Variants in KIAA0513 observed in about 807,000 individuals in gnomAD.
KIAA0513 encodes the protein KIAA0513.
Under a neutral mutation model 56.5 loss-of-function variants are expected in KIAA0513, and 39 were observed. That is an observed-to-expected ratio of 0.69 (90% CI 0.53 to 0.90). The LOEUF (loss-of-function observed/expected upper bound fraction) is 0.90. KIAA0513 is among the 40% of genes least tolerant of loss of function. The pLI is 0.00. For synonymous variants in KIAA0513, 268 were observed against 215.6 expected, an observed-to-expected ratio of 1.24 and a Z score of -2.13; for missense variants, 591 against 535.2, an observed-to-expected ratio of 1.10 and a Z score of -1.03.
intron 7 of KIAA0513, 83 bp from the exon 8 acceptor site, chr16:85,078,842 C>T (rs1425009193): frequency 7.0e-7 from 1 of 1,435,212 alleles, no homozygotes; most frequent in Non-Finnish European, 9.8e-7. Context: ...GAGAAACTGG[C>T]TGCTGGGAGG....
intron 1 of KIAA0513, among the ~76,000 whole-genome samples, chr16:85,041,647 A>G (rs753876751): frequency 2.0e-5 from 3 of 152,180 alleles, no homozygotes; most frequent in Admixed American, 6.5e-5. Flanking sequence ...TCCATCCGTA[A>G]GGAAAGGAGA....
chr16:85,088,396 C>T lies in KIAA0513; in HGVS notation c.*71C>T. On this transcript the variant is annotated 3_prime_UTR_variant, in exon 13 of 13. Coordinates refer to ENST00000683363, the MANE Select transcript of KIAA0513 (RefSeq NM_001388359.1). ...TCTCCCGGGCCCAGCGCCCGGCCGT[C>T]ACCCCACCCGATGACCTGCATGAAG... The T allele has an allele frequency of 7.3e-7, 1 of 1,372,712 alleles. No homozygotes were observed. Among genetic ancestry groups the T allele is most frequent in the Admixed American group, 1.7e-5 (1 of 58,534 alleles). 85.0% of individuals were successfully genotyped at this position (1,372,712 alleles called of 1,614,324 possible). A position where few individuals can be genotyped will look rare whatever the true frequency, so the allele number is the denominator to read the frequency against.
intron 8 of KIAA0513, chr16:85,079,609 C>G (rs1224855639): frequency 6.6e-6 from 1 of 152,576 alleles, no homozygotes; most frequent in Non-Finnish European, 1.5e-5. Context: ...AGAGACACAG[C>G]AGATGACAGA....
At chr16:85,040,623 A>C (rs893360049) in intron 1 of KIAA0513, among the ~76,000 whole-genome samples, 1 of 152,204 alleles carries the variant, frequency 6.6e-6, no homozygotes, top group South Asian at 2.1e-4. Context: ...TTTTAGTTTC[A>C]GGAAACTTGA....
chr16:85,067,464 T>A (rs2144015943), intron 2 of KIAA0513, 64 bp downstream of exon 2: 1 of 1,311,702 alleles, frequency 7.6e-7, no homozygotes, highest in Admixed American at 2.1e-5. Flanking sequence ...ACTCGCCTCC[T>A]GCTCTCGGCT....
At chr16:85,082,459 T>C in intron 9 of KIAA0513, 105 bp from the exon 10 acceptor site, 1 of 1,088,088 alleles carries the variant, frequency 9.2e-7, no homozygotes, top group East Asian at 2.4e-5. Flanking sequence ...CCCGCTCCGT[T>C]TCTGCCTGTA....
chr16:85,056,734 C>G (rs759257775), intron 1 of KIAA0513, among the ~76,000 whole-genome samples: 1 of 152,200 alleles, frequency 6.6e-6, no homozygotes, highest in East Asian at 1.9e-4. Context: ...GGGTCTCACT[C>G]TGTCACCCAG....
rs200450339 is a variant in KIAA0513, at chr16:85,080,571, ATT to A, written c.903-743_903-742del. Among the ~76,000 whole-genome samples, 715 of 152,312 alleles carry A rather than the reference ATT, an allele frequency of 4.7e-3. 4 individuals are homozygous for A. Among genetic ancestry groups the A allele is most frequent in the African/African-American group, 0.016 (667 of 41,554 alleles). ...CACTTTGGGAGGCCAAAGCGGGTAG[ATT>A]ACCTGTGGTCAGGAGCTCGAGACCA... On this transcript the variant is annotated intron_variant, in intron 8 of 12. Coordinates refer to ENST00000683363, the MANE Select transcript of KIAA0513 (RefSeq NM_001388359.1).
At chr16:85,045,767 G>T (rs767821073) in intron 1 of KIAA0513, among the ~76,000 whole-genome samples, 24 of 152,220 alleles carry the variant, frequency 1.6e-4, no homozygotes, top group Admixed American at 4.6e-4. Context: ...TGCTCTGTGC[G>T]TTGGCCTCTG....
Position 85,077,423 on chromosome 16 carries a change from A to G in KIAA0513, c.575-2A>G, listed in dbSNP as rs1168199064. 1 of 1,613,750 alleles carries G rather than the reference A, an allele frequency of 6.2e-7. No homozygotes were observed. Among genetic ancestry groups the G allele is most frequent in the Non-Finnish European group, 8.5e-7 (1 of 1,179,842 alleles). ...CTCGTCTTGTTCCCTCTCTCATCCA[A>G]GGAAAACCACAGCTGCTGCCCCCGG... On this transcript the variant is annotated splice_acceptor_variant, in intron 5 of 12. Coordinates refer to ENST00000683363, the MANE Select transcript of KIAA0513 (RefSeq NM_001388359.1). LOFTEE classifies it high-confidence loss of function.
intron 1 of KIAA0513, among the ~76,000 whole-genome samples, chr16:85,042,593 T>G (rs553554586): frequency 6.6e-5 from 10 of 152,346 alleles, no homozygotes; most frequent in African/African-American, 2.4e-4. Context: ...GATAATAGTT[T>G]TAGCTCATAT....
chr16:85,086,160 G>T (rs1429077291), intron 10 of KIAA0513, among the ~76,000 whole-genome samples: 2 of 152,210 alleles, frequency 1.3e-5, no homozygotes, highest in East Asian at 3.9e-4. Flanking sequence ...ACCTCGCTTG[G>T]CCCATCAGGC....
chr16:85,065,899 G>A (rs1207143971), intron 1 of KIAA0513, among the ~76,000 whole-genome samples: 1 of 152,184 alleles, frequency 6.6e-6, no homozygotes, highest in Non-Finnish European at 1.5e-5. Flanking sequence ...TGTGACCTAT[G>A]TAGCCAGCTC....
chr16:85,084,423 C>T (rs1384828315), intron 10 of KIAA0513, among the ~76,000 whole-genome samples: 8 of 96,166 alleles, frequency 8.3e-5, no homozygotes, highest in East Asian at 2.8e-4. Flanking sequence ...TTTTTCTTTT[C>T]GTTCTCTTTT....
rs370117094 is a variant in KIAA0513 at position 85,078,930 on chromosome 16, G to T, written c.829G>T (p.Ala277Ser). ...CATTCTCTCTCCTCCCACAGTGACC[G>T]CGTACAGCCCCGAGGACGAAAAGAA... is the stretch of plus-strand genomic sequence containing the variant. ...PQEKRPRAVTAYSPEDEKKGE... is the reference protein window; with the variant it reads ...PQEKRPRAVTSYSPEDEKKGE... The change falls in exon 8 of 13, where the codon GCG (alanine) becomes TCG (serine). Residue 277 changes from alanine (A) to serine (S), a missense_variant. Ala to Ser is a moderately conservative substitution (Grantham distance 99). Transcript: ENST00000683363. 22 of 1,614,118 alleles carry T rather than the reference G, an allele frequency of 1.4e-5. No individual in the cohort carries two copies. In the African/African-American group the frequency reaches 2.9e-4, roughly 22 times the overall value.
At chr16:85,055,833 G>A (rs544211492) in intron 1 of KIAA0513, among the ~76,000 whole-genome samples, 8 of 152,206 alleles carry the variant, frequency 5.3e-5, no homozygotes, top group Non-Finnish European at 1.2e-4. Context: ...CCTGTGAGTT[G>A]TAATTCATCA....
chr16:85,077,411 C>A lies in KIAA0513; in HGVS notation c.575-14C>A. 6.2e-7 allele frequency: 1 copy of A among 1,613,176 alleles called. No homozygotes were observed. Among genetic ancestry groups the A allele is most frequent in the South Asian group, 1.1e-5 (1 of 90,938 alleles). ...AGCCTCACTGGCCTCGTCTTGTTCC[C>A]TCTCTCATCCAAGGAAAACCACAGC... On this transcript the variant is annotated splice_polypyrimidine_tract_variant and intron_variant, in intron 5 of 12. Coordinates refer to ENST00000683363, the MANE Select transcript of KIAA0513 (RefSeq NM_001388359.1).
intron 8 of KIAA0513, 118 bp downstream of exon 8, chr16:85,079,121 C>T: frequency 6.5e-7 from 1 of 1,541,534 alleles, no homozygotes; most frequent in Non-Finnish European, 8.7e-7. Flanking sequence ...TCACACTCAC[C>T]AGAGTGGCAG....
At chr16:85,074,568 C>G (rs1004664336) in intron 4 of KIAA0513, among the ~76,000 whole-genome samples, 1 of 152,132 alleles carries the variant, frequency 6.6e-6, no homozygotes, top group African/African-American at 2.4e-5. Context: ...TGGAAGAAGA[C>G]CAACAAAAGG....
Sources: allele counts gnomAD v4.1 joint callset (sites outside exome capture counted in the v4.1 genomes callset), GRCh38; gene constraint gnomAD v4.1.1; transcripts MANE v1.5; gene names NCBI Gene and HGNC (gene_info 2026-07-23, HGNC 2026-07-21).